TRIM71: variants seen among roughly 807,000 people sequenced by gnomAD.
TRIM71 encodes E3 ubiquitin-protein ligase TRIM71.
A neutral mutation model predicts 61.2 loss-of-function variants in TRIM71; 9 were observed. That is an observed-to-expected ratio of 0.15 (90% CI 0.09 to 0.26). TRIM71 has a LOEUF of 0.26. TRIM71 is among the 10% of genes least tolerant of loss of function. The probability of loss-of-function intolerance (pLI) is 1.00; values close to 1 mark genes in which losing one functional copy is unlikely to be tolerated. For synonymous variants in TRIM71, 645 were observed against 553.2 expected (o/e 1.17, Z -2.33); for missense variants, 998 against 1,238.7 (o/e 0.81, Z 2.92).
chr3:32,818,471 CCG>C lies in TRIM71; in HGVS notation c.393_394del (p.Pro132GlnfsTer72). On this transcript the variant is annotated frameshift_variant, in exon 1 of 4. Coordinates refer to ENST00000383763, the MANE Select transcript of TRIM71 (RefSeq NM_001039111.3). LOFTEE classifies it high-confidence loss of function. ...GGTGGTGGCCACTGCCGACGAGCCG[CCG>C]CCCAAGAACGGGCGCGCCGGCGCTC... ...DAVVATADEP[P>X]PKNGRAGAPA... 6.9e-7 allele frequency: 1 copy of C among 1,452,702 alleles called. No homozygotes were observed. Among genetic ancestry groups the C allele is most frequent in the Non-Finnish European group, 9.0e-7 (1 of 1,107,114 alleles). 90.0% of individuals were successfully genotyped at this position (1,452,702 alleles called of 1,614,324 possible). A position where few individuals can be genotyped will look rare whatever the true frequency, so the allele number is the denominator to read the frequency against.
At chr3:32,871,330 A>AGT (rs1268773592) in intron 1 of TRIM71, among the ~76,000 whole-genome samples, 1 of 152,216 alleles carries the variant, frequency 6.6e-6, no homozygotes, top group Non-Finnish European at 1.5e-5. Context: ...GAAGCAGGAG[A>AGT]GTGCCATTCA....
intron 1 of TRIM71, among the ~76,000 whole-genome samples, chr3:32,820,899 T>A (rs1696119660): frequency 6.6e-6 from 1 of 152,232 alleles, no homozygotes; most frequent in Non-Finnish European, 1.5e-5. Context: ...TTGCTCAGTT[T>A]TGAGCAAGAT....
intron 1 of TRIM71, among the ~76,000 whole-genome samples, chr3:32,834,150 T>C (rs545416266): frequency 1.5e-3 from 225 of 152,318 alleles, no homozygotes; most frequent in African/African-American, 4.9e-3. Flanking sequence ...TCCATGTGTA[T>C]GGATGAAGTA....
intron 1 of TRIM71, among the ~76,000 whole-genome samples, chr3:32,821,488 A>G (rs1200969369): frequency 1.3e-5 from 2 of 152,130 alleles, no homozygotes; most frequent in Non-Finnish European, 2.9e-5. Flanking sequence ...ATGCCTTCTT[A>G]GGATTGGCAA....
chr3:32,829,310 G>A lies in TRIM71; in HGVS notation c.852+10378G>A, dbSNP rs188156496. On this transcript the variant is annotated intron_variant, in intron 1 of 3. Coordinates refer to ENST00000383763, the MANE Select transcript of TRIM71 (RefSeq NM_001039111.3). The stretch of plus-strand genomic sequence containing the variant: ...AGTGATTCTCCTGCCTCAGCCTCCC[G>A]AGTAGCTGGGATTACAGGCATGAGC... Among the ~76,000 whole-genome samples the A allele has an allele frequency of 2.7e-5, 4 of 150,344 alleles. No individual in the cohort carries two copies. In the Admixed American group the frequency reaches 2.7e-4, roughly 10 times the overall value.
At chr3:32,878,150 C>T (rs185831929) in intron 2 of TRIM71, among the ~76,000 whole-genome samples, 2 of 152,356 alleles carry the variant, frequency 1.3e-5, no homozygotes, top group African/African-American at 4.8e-5. Context: ...TCTTGATCCA[C>T]GGGCTGTAGA....
intron 1 of TRIM71, among the ~76,000 whole-genome samples, chr3:32,873,421 A>G (rs1696819662): frequency 6.6e-6 from 1 of 152,190 alleles, no homozygotes; most frequent in South Asian, 2.1e-4. Context: ...CCAGGCCACT[A>G]ATATCAGACT....
At chr3:32,846,953 AG>A (rs1696482477) in intron 1 of TRIM71, among the ~76,000 whole-genome samples, 1 of 151,970 alleles carries the variant, frequency 6.6e-6, no homozygotes, top group Non-Finnish European at 1.5e-5. Flanking sequence ...TGAATATGAG[AG>A]GACAGATAGC....
At chr3:32,855,137 G>T (rs182865158) in intron 1 of TRIM71, among the ~76,000 whole-genome samples, 1 of 152,134 alleles carries the variant, frequency 6.6e-6, no homozygotes, top group Non-Finnish European at 1.5e-5. Context: ...TATAGGGTTT[G>T]GTACTATCCG....
At chr3:32,839,667 G>A (rs533199186) in intron 1 of TRIM71, among the ~76,000 whole-genome samples, 1 of 135,728 alleles carries the variant, frequency 7.4e-6, no homozygotes, top group African/African-American at 2.7e-5. Context: ...TTTTTGGGGG[G>A]GGGGTGGGGG....
intron 1 of TRIM71, among the ~76,000 whole-genome samples, chr3:32,843,262 A>C (rs1357903439): frequency 6.6e-6 from 1 of 152,024 alleles, no homozygotes; most frequent in Non-Finnish European, 1.5e-5. Flanking sequence ...AGGGGGTGGG[A>C]GAAATGTGAA....
chr3:32,827,889 C>T (rs890633375), intron 1 of TRIM71, among the ~76,000 whole-genome samples: 2 of 152,140 alleles, frequency 1.3e-5, no homozygotes. Context: ...TCGTCTTAAC[C>T]TTTTGCAGTT....
intron 1 of TRIM71, among the ~76,000 whole-genome samples, chr3:32,841,370 A>G (rs78249749): frequency 0.018 from 2,658 of 151,154 alleles, 84 homozygotes; most frequent in East Asian, 0.14. Context: ...ATTAGGAGAA[A>G]CTGCGTAAAG....
intron 1 of TRIM71, among the ~76,000 whole-genome samples, chr3:32,860,252 G>A (rs1696652376): frequency 6.6e-6 from 1 of 150,504 alleles, no homozygotes; most frequent in Non-Finnish European, 1.5e-5. Flanking sequence ...TCCACTTCCC[G>A]GGTTCAAGCA....
chr3:32,832,016 G>A (rs980148911), intron 1 of TRIM71, among the ~76,000 whole-genome samples: 5 of 152,114 alleles, frequency 3.3e-5, no homozygotes, highest in Admixed American at 3.3e-4. Flanking sequence ...ATGTATAAGA[G>A]CAGTCTACAT....
chr3:32,856,252 C>T (rs528514679), intron 1 of TRIM71, among the ~76,000 whole-genome samples: 5 of 152,070 alleles, frequency 3.3e-5, no homozygotes, highest in Admixed American at 1.3e-4. Flanking sequence ...CTCCTGACCT[C>T]GTGATCCGCC....
At chr3:32,839,385 C>T (rs1428406997) in intron 1 of TRIM71, among the ~76,000 whole-genome samples, 1 of 151,994 alleles carries the variant, frequency 6.6e-6, no homozygotes, top group Non-Finnish European at 1.5e-5. Flanking sequence ...TGCGTGCCAC[C>T]ACGCCAGGCT....
intron 1 of TRIM71, among the ~76,000 whole-genome samples, chr3:32,847,437 C>T (rs143685198): frequency 0.017 from 2,620 of 152,202 alleles, 68 homozygotes; most frequent in East Asian, 0.13. Context: ...TCAGGTGATC[C>T]GCCTGCCTTG....
At chr3:32,866,937 A>G (rs552934575) in intron 1 of TRIM71, among the ~76,000 whole-genome samples, 2 of 152,306 alleles carry the variant, frequency 1.3e-5, no homozygotes, top group African/African-American at 4.8e-5. Flanking sequence ...GGAGTCACAT[A>G]AAAACTTAAA....
Sources: gnomAD v4.1 joint callset for allele counts (sites outside exome capture counted in the v4.1 genomes callset) on GRCh38, gnomAD v4.1.1 for gene constraint, MANE v1.5 for transcripts, NCBI Gene and HGNC (gene_info 2026-07-23, HGNC 2026-07-21) for gene names.